RAB3IL1: variants seen among roughly 807,000 people sequenced by gnomAD.
RAB3IL1 encodes the protein RAB3A interacting protein like 1.
In RAB3IL1, 37 loss-of-function variants were observed where a neutral mutation model predicts 49.2. The ratio of observed to expected loss-of-function variants is 0.75; its 90% CI spans 0.58 to 0.99. The LOEUF (loss-of-function observed/expected upper bound fraction) is 0.99. RAB3IL1 is among the 50% of genes least tolerant of loss of function. RAB3IL1 has a pLI of 0.00. For synonymous variants in RAB3IL1, 193 were observed against 213.9 expected (o/e 0.90, Z 0.85); for missense variants, 484 against 513.0 (o/e 0.94, Z 0.55).
chr11:61,916,879 G>A (rs1223328017), intron 1 of RAB3IL1, among the ~76,000 whole-genome samples: 1 of 151,964 alleles, frequency 6.6e-6, no homozygotes, highest in Admixed American at 6.5e-5. Flanking sequence ...GAGAGCCTCC[G>A]TACTTCCAGA....
chr11:61,942,264 A>C, the RAB3IL1 span, among the ~76,000 whole-genome samples: 21 of 152,282 alleles, frequency 1.4e-4, no homozygotes, highest in African/African-American at 5.1e-4. Context: ...AGGCAGCATG[A>C]TCGTTAAGAG....
At chr11:61,935,347 G>A in the RAB3IL1 span, among the ~76,000 whole-genome samples, 1 of 151,248 alleles carries the variant, frequency 6.6e-6, no homozygotes, top group East Asian at 2.0e-4. Context: ...TTGAACCCGT[G>A]TGGCAGAGGT....
At chr11:61,937,702 ATATT>A in the RAB3IL1 span, among the ~76,000 whole-genome samples, 1 of 152,200 alleles carries the variant, frequency 6.6e-6, no homozygotes, top group African/African-American at 2.4e-5. Context: ...GCACTAGAAA[ATATT>A]TAACACAATA....
At chr11:61,940,869 G>A in the RAB3IL1 span, among the ~76,000 whole-genome samples, 10 of 151,708 alleles carry the variant, frequency 6.6e-5, no homozygotes, top group Non-Finnish European at 1.3e-4. Context: ...GCAGTGAGCC[G>A]AGAATGCACC....
intron 1 of RAB3IL1, among the ~76,000 whole-genome samples, chr11:61,909,715 G>A (rs1456589804): frequency 6.6e-6 from 1 of 152,258 alleles, no homozygotes; most frequent in South Asian, 2.1e-4. Flanking sequence ...CCCGCAGCCT[G>A]AGAGCTATGG....
chr11:61,909,799 G>A (rs943430363), intron 1 of RAB3IL1, among the ~76,000 whole-genome samples: 1 of 152,200 alleles, frequency 6.6e-6, no homozygotes, highest in Non-Finnish European at 1.5e-5. Context: ...TGACCACGCT[G>A]TCTCCTTTAA....
At chr11:61,904,975 G>A (rs939592008) in intron 5 of RAB3IL1, 93 bp from the exon 6 acceptor site, 11 of 968,626 alleles carry the variant, frequency 1.1e-5, no homozygotes, top group Admixed American at 2.6e-5. Context: ...GAGGGAGGAC[G>A]TGGGGCAGGC....
upstream of RAB3IL1, among the ~76,000 whole-genome samples, chr11:61,919,497 T>TA (rs1453438814): frequency 1.3e-5 from 2 of 152,180 alleles, no homozygotes; most frequent in Non-Finnish European, 2.9e-5. Flanking sequence ...ACCTGCCTGA[T>TA]ATCACACCAG....
the RAB3IL1 span, among the ~76,000 whole-genome samples, chr11:61,936,856 C>T: frequency 2.0e-5 from 3 of 151,810 alleles, no homozygotes; most frequent in Admixed American, 2.0e-4. Context: ...CAAAGCTATC[C>T]TTCAGAAAAA....
intron 4 of RAB3IL1, 54 bp downstream of exon 4, chr11:61,907,339 C>A (rs922704795): frequency 7.0e-6 from 11 of 1,581,574 alleles, no homozygotes; most frequent in Non-Finnish European, 8.6e-6. Context: ...CTCGCTGAGC[C>A]GGGAGGCAGG....
the RAB3IL1 span, among the ~76,000 whole-genome samples, chr11:61,938,276 C>T: frequency 2.6e-5 from 4 of 152,144 alleles, no homozygotes; most frequent in Non-Finnish European, 1.5e-5. Flanking sequence ...TGGCACACAC[C>T]TGTAGTCCCA....
At chr11:61,935,443 G>C in the RAB3IL1 span, among the ~76,000 whole-genome samples, 4 of 150,602 alleles carry the variant, frequency 2.7e-5, no homozygotes, top group Non-Finnish European at 5.9e-5. Flanking sequence ...AAAAAAGAAA[G>C]AAACTGTTTC....
At chr11:61,920,141 C>T (rs756177462), upstream of RAB3IL1, 46 of 1,341,018 alleles carry the variant, frequency 3.4e-5, no homozygotes, top group African/African-American at 6.3e-4. Flanking sequence ...GCCAGGAACA[C>T]GGGACATGTC....
At chr11:61,910,311 G>C (rs535096926) in intron 1 of RAB3IL1, among the ~76,000 whole-genome samples, 30 of 152,334 alleles carry the variant, frequency 2.0e-4, no homozygotes, top group Non-Finnish European at 4.0e-4. Flanking sequence ...GGCTGCAGTA[G>C]GGAAATCTGA....
At chr11:61,933,183 C>G in the RAB3IL1 span, among the ~76,000 whole-genome samples, 1 of 152,122 alleles carries the variant, frequency 6.6e-6, no homozygotes, top group Non-Finnish European at 1.5e-5. Context: ...GTAAATGTTA[C>G]CTTATATGAA....
At chr11:61,902,405 C>G (rs1404009155) in intron 8 of RAB3IL1, 37 bp downstream of exon 8, 2 of 1,553,396 alleles carry the variant, frequency 1.3e-6, no homozygotes, top group Non-Finnish European at 1.7e-6. Flanking sequence ...CAGGTGGCCC[C>G]AAAGGAGTCA....
At chr11:61,912,027 C>A (rs577216002) in intron 1 of RAB3IL1, among the ~76,000 whole-genome samples, 2 of 152,310 alleles carry the variant, frequency 1.3e-5, no homozygotes, top group South Asian at 4.1e-4. Flanking sequence ...CCAGCCTATT[C>A]CTCAACCAGT....
chr11:61,936,905 G>A, the RAB3IL1 span, among the ~76,000 whole-genome samples: 32 of 152,178 alleles, frequency 2.1e-4, no homozygotes, highest in East Asian at 3.7e-3. Flanking sequence ...AACTAAAGTC[G>A]AGAGAGTTTG....
chr11:61,926,368 T>C, the RAB3IL1 span, among the ~76,000 whole-genome samples: 14 of 152,170 alleles, frequency 9.2e-5, no homozygotes, highest in African/African-American at 3.4e-4. Context: ...GAGGGGATTA[T>C]GTGTAGCGGG....
Sources: allele counts gnomAD v4.1 joint callset (sites outside exome capture counted in the v4.1 genomes callset), GRCh38; gene constraint gnomAD v4.1.1; transcripts MANE v1.5; gene names NCBI Gene and HGNC (gene_info 2026-07-23, HGNC 2026-07-21).